CACNG3: variants seen among roughly 807,000 people sequenced by gnomAD.
CACNG3 encodes voltage-dependent calcium channel gamma-3 subunit.
CACNG3 carries 3 observed loss-of-function variants against 28.5 expected under a neutral mutation model. That is an observed-to-expected ratio of 0.11 (90% CI 0.05 to 0.27). The LOEUF (loss-of-function observed/expected upper bound fraction) is 0.27, where lower values mean the gene tolerates loss of function less well. CACNG3 is among the 10% of genes least tolerant of loss of function. CACNG3 has a pLI of 1.00. For synonymous variants in CACNG3, 174 were observed against 162.2 expected (o/e 1.07, Z -0.55); for missense variants, 236 against 414.4 (o/e 0.57, Z 3.74).
chr16:24,344,742 T>C (rs1899838591), intron 1 of CACNG3, among the ~76,000 whole-genome samples: 1 of 152,198 alleles, frequency 6.6e-6, no homozygotes. Flanking sequence ...CCAAGGCATT[T>C]ATTATGAAAT....
chr16:24,317,025 C>G (rs190052999), intron 1 of CACNG3, among the ~76,000 whole-genome samples: 1 of 152,228 alleles, frequency 6.6e-6, no homozygotes, highest in East Asian at 1.9e-4. Flanking sequence ...CATCATGACA[C>G]CAGTTTCCTA....
intron 1 of CACNG3, among the ~76,000 whole-genome samples, chr16:24,336,051 G>A (rs769927612): frequency 6.6e-6 from 1 of 151,778 alleles, no homozygotes; most frequent in African/African-American, 2.4e-5. Flanking sequence ...TAAAACCAAG[G>A]TCTGCCTAAC....
chr16:24,297,385 T>C (rs938195514), intron 1 of CACNG3, among the ~76,000 whole-genome samples: 1 of 152,132 alleles, frequency 6.6e-6, no homozygotes, highest in Non-Finnish European at 1.5e-5. Context: ...GCTCTGGGGA[T>C]CCTAATGGGC....
chr16:24,310,515 G>A (rs186768805), intron 1 of CACNG3, among the ~76,000 whole-genome samples: 1 of 152,250 alleles, frequency 6.6e-6, no homozygotes, highest in Non-Finnish European at 1.5e-5. Context: ...AGTGAGTCGA[G>A]ATTGCACCAC....
intron 1 of CACNG3, among the ~76,000 whole-genome samples, chr16:24,297,993 G>A (rs1899055505): frequency 1.4e-5 from 1 of 70,340 alleles, no homozygotes. Context: ...AGATCTGTGT[G>A]TGTGTGTGTG....
chr16:24,323,576 G>T (rs1899495317), intron 1 of CACNG3, among the ~76,000 whole-genome samples: 1 of 152,156 alleles, frequency 6.6e-6, no homozygotes, highest in East Asian at 1.9e-4. Context: ...TCCCAGGTCG[G>T]TTTGACTTCA....
At chr16:24,290,559 A>G (rs1191311334) in intron 1 of CACNG3, among the ~76,000 whole-genome samples, 3 of 152,208 alleles carry the variant, frequency 2.0e-5, no homozygotes, top group Non-Finnish European at 4.4e-5. Flanking sequence ...TCAGAGTTTG[A>G]GTGTCTTCAC....
intron 1 of CACNG3, among the ~76,000 whole-genome samples, chr16:24,297,581 C>A (rs1479525248): frequency 1.3e-5 from 2 of 152,182 alleles, no homozygotes; most frequent in Non-Finnish European, 2.9e-5. Context: ...ACCTGCCAGG[C>A]AGGTTGAAGT....
At chr16:24,350,062 A>G (rs545083169) in intron 2 of CACNG3, among the ~76,000 whole-genome samples, 2 of 152,240 alleles carry the variant, frequency 1.3e-5, no homozygotes, top group Non-Finnish European at 2.9e-5. Context: ...GAAGGAAGAC[A>G]GTAAAAACCT....
intron 1 of CACNG3, among the ~76,000 whole-genome samples, chr16:24,277,625 A>C (rs1898769821): frequency 2.0e-5 from 3 of 152,136 alleles, no homozygotes; most frequent in Middle Eastern, 6.8e-3. Flanking sequence ...AAATACAAAA[A>C]TTGGCCAGGT....
chr16:24,330,811 G>A (rs994697292), intron 1 of CACNG3, among the ~76,000 whole-genome samples: 10 of 152,188 alleles, frequency 6.6e-5, no homozygotes, highest in African/African-American at 2.4e-4. Flanking sequence ...TCATGCTTTT[G>A]AATGCCTGCC....
At chr16:24,319,349 G>T (rs1321692158) in intron 1 of CACNG3, among the ~76,000 whole-genome samples, 1 of 152,216 alleles carries the variant, frequency 6.6e-6, no homozygotes, top group East Asian at 1.9e-4. Flanking sequence ...CTACAAGGAT[G>T]AATAACAAGG....
At chr16:24,291,278 G>A (rs1898963327) in intron 1 of CACNG3, among the ~76,000 whole-genome samples, 2 of 152,170 alleles carry the variant, frequency 1.3e-5, no homozygotes, top group South Asian at 2.1e-4. Context: ...TTGATCCAAA[G>A]GGACACTCAG....
chr16:24,304,060 A>T (rs556036223), intron 1 of CACNG3, among the ~76,000 whole-genome samples: 167 of 152,280 alleles, frequency 1.1e-3, no homozygotes, highest in African/African-American at 3.6e-3. Flanking sequence ...AAATAAAAAC[A>T]ATTTCAGTTC....
intron 2 of CACNG3, among the ~76,000 whole-genome samples, chr16:24,347,588 G>A (rs1567224481): frequency 6.6e-6 from 1 of 152,188 alleles, no homozygotes; most frequent in Non-Finnish European, 1.5e-5. Flanking sequence ...GTCCCAAGGA[G>A]CAAGACCTAG....
chr16:24,294,380 A>G (rs890810495), intron 1 of CACNG3, among the ~76,000 whole-genome samples: 2 of 152,162 alleles, frequency 1.3e-5, no homozygotes, highest in Non-Finnish European at 2.9e-5. Flanking sequence ...CTGTTCATTA[A>G]TGCTGCCCAT....
intron 1 of CACNG3, among the ~76,000 whole-genome samples, chr16:24,321,018 C>A (rs993857288): frequency 6.6e-6 from 1 of 152,130 alleles, no homozygotes; most frequent in African/African-American, 2.4e-5. Flanking sequence ...CAGGTGTGAG[C>A]CAATGCACCT....
At chr16:24,293,925 C>A (rs1277082074) in intron 1 of CACNG3, among the ~76,000 whole-genome samples, 2 of 152,170 alleles carry the variant, frequency 1.3e-5, no homozygotes, top group Non-Finnish European at 2.9e-5. Context: ...AGCCTTGAAT[C>A]TTCTAGACCC....
chr16:24,296,592 C>T (rs910751447), intron 1 of CACNG3, among the ~76,000 whole-genome samples: 27 of 152,088 alleles, frequency 1.8e-4, no homozygotes, highest in African/African-American at 4.3e-4. Context: ...GAGACTCCCC[C>T]GTAATACTTT....
Sources: gnomAD v4.1 joint callset for allele counts (sites outside exome capture counted in the v4.1 genomes callset) on GRCh38, gnomAD v4.1.1 for gene constraint, MANE v1.5 for transcripts, NCBI Gene and HGNC (gene_info 2026-07-23, HGNC 2026-07-21) for gene names.